NAV2: variants seen among roughly 807,000 people sequenced by gnomAD.
NAV2 encodes the protein neuron navigator 2.
Under a neutral mutation model 223.2 loss-of-function variants are expected in NAV2, and 54 were observed. The observed-to-expected ratio is 0.24, with a 90% confidence interval of 0.19 to 0.30. NAV2 has a LOEUF of 0.30. Among genes scored for constraint, NAV2 ranks in the 10% least tolerant of loss-of-function variants. The probability of loss-of-function intolerance (pLI) is 1.00; values close to 1 mark genes in which losing one functional copy is unlikely to be tolerated. For missense variants in NAV2, 2,806 were observed against 3,147.5 expected, an observed-to-expected ratio of 0.89 and a Z score of 2.60; for synonymous variants, 1,279 against 1,239.3, an observed-to-expected ratio of 1.03 and a Z score of -0.67.
intron 1 of NAV2, among the ~76,000 whole-genome samples, chr11:19,465,764 A>T (rs1765212114): frequency 6.6e-6 from 1 of 152,268 alleles, no homozygotes; most frequent in Admixed American, 6.5e-5. Context: ...CATTTTTAAT[A>T]TCCTTTTTAC....
At chr11:19,485,567 A>G (rs2042415575) in intron 1 of NAV2, among the ~76,000 whole-genome samples, 1 of 152,196 alleles carries the variant, frequency 6.6e-6, no homozygotes, top group Admixed American at 6.5e-5. Flanking sequence ...AGTCTCCAGA[A>G]ATCAACTGTG....
chr11:19,714,587 G>T (rs1234455454), intron 1 of NAV2: 1 of 403,726 alleles, frequency 2.5e-6, no homozygotes, highest in South Asian at 1.8e-5. Flanking sequence ...GACTCCTAGC[G>T]CCTTGGCTGG....
intron 6 of NAV2, among the ~76,000 whole-genome samples, chr11:19,914,279 G>T (rs1324370434): frequency 1.3e-5 from 2 of 152,086 alleles, no homozygotes; most frequent in African/African-American, 4.8e-5. Context: ...ATTTTGTTTT[G>T]TTGGGAGAAA....
At chr11:19,770,505 AG>A (rs1189145344) in intron 1 of NAV2, among the ~76,000 whole-genome samples, 2 of 151,744 alleles carry the variant, frequency 1.3e-5, no homozygotes, top group Non-Finnish European at 2.9e-5. Context: ...GTGGGTGGGG[AG>A]GGGGCTGGAG....
intron 4 of NAV2, 102 bp from the exon 5 acceptor site, chr11:19,879,767 T>C: frequency 2.2e-6 from 3 of 1,340,276 alleles, no homozygotes; most frequent in Non-Finnish European, 3.1e-6. Context: ...TCAGGAAGCC[T>C]GTCATATCCT....
intron 4 of NAV2, among the ~76,000 whole-genome samples, chr11:19,871,592 G>C (rs1187030153): frequency 6.6e-6 from 1 of 152,080 alleles, no homozygotes; most frequent in African/African-American, 2.4e-5. Flanking sequence ...TGTGAGACTT[G>C]GCCAGATCTT....
intron 1 of NAV2, among the ~76,000 whole-genome samples, chr11:19,753,375 A>C (rs1265102172): frequency 6.6e-6 from 1 of 151,938 alleles, no homozygotes; most frequent in African/African-American, 2.4e-5. Context: ...CCCCCACCCA[A>C]GCATACATTT....
intron 1 of NAV2, among the ~76,000 whole-genome samples, chr11:19,524,460 G>A (rs2043780281): frequency 6.6e-6 from 1 of 152,196 alleles, no homozygotes; most frequent in Admixed American, 6.5e-5. Flanking sequence ...TAACAGCAGA[G>A]CCTAATGACA....
chr11:19,364,007 T>C (rs1854114924), intron 1 of NAV2, among the ~76,000 whole-genome samples: 1 of 152,128 alleles, frequency 6.6e-6, no homozygotes, highest in African/African-American at 2.4e-5. Flanking sequence ...TATGGATTTT[T>C]ATGGAAGTTT....
At position 20,083,068 on chromosome 11, in the gene NAV2, A is replaced by G; in HGVS notation, c.5387A>G (p.His1796Arg). The G allele has an allele frequency of 6.2e-7, 1 of 1,613,984 alleles. No individual in the cohort carries two copies. Among genetic ancestry groups the G allele is most frequent in the Non-Finnish European group, 8.5e-7 (1 of 1,179,848 alleles). The stretch of plus-strand genomic sequence containing the variant: ...AAGTCCCCAAAATCTGCGTCCTCTC[A>G]TTCAGATATTGAGGAGATGACGGAT... ...KKKSPKSASS[H>R]SDIEEMTDSS... The change falls in exon 26 of 38, where the codon CAT becomes CGT. Residue 1796 changes from histidine to arginine, a missense_variant. His to Arg is a conservative substitution (Grantham distance 29). Transcript: ENST00000349880.
At chr11:19,717,740 C>T (rs1347409543) in intron 1 of NAV2, among the ~76,000 whole-genome samples, 1 of 152,136 alleles carries the variant, frequency 6.6e-6, no homozygotes, top group Non-Finnish European at 1.5e-5. Context: ...CCGTTAAGGA[C>T]CTGATTCAGA....
intron 1 of NAV2, among the ~76,000 whole-genome samples, chr11:19,595,582 T>A (rs1268288985): frequency 6.6e-6 from 1 of 152,070 alleles, no homozygotes; most frequent in Non-Finnish European, 1.5e-5. Context: ...TGAGACAGGA[T>A]CTCACTCTGT....
intron 11 of NAV2, among the ~76,000 whole-genome samples, chr11:20,035,098 C>A (rs895883449): frequency 1.7e-4 from 26 of 152,062 alleles, no homozygotes; most frequent in Non-Finnish European, 3.2e-4. Context: ...CTGACTGCTG[C>A]GGGCGGATGG....
At chr11:19,841,017 G>A (rs2060483354) in intron 2 of NAV2, among the ~76,000 whole-genome samples, 2 of 152,138 alleles carry the variant, frequency 1.3e-5, no homozygotes. Flanking sequence ...TCCATTCAGT[G>A]GGCATCTTGT....
chr11:19,943,269 A>G (rs1000070541), intron 8 of NAV2, among the ~76,000 whole-genome samples: 2 of 152,220 alleles, frequency 1.3e-5, no homozygotes, highest in Admixed American at 1.3e-4. Flanking sequence ...AGGTAGATGC[A>G]GTTACATTCC....
chr11:20,046,377 A>G (rs1425995357), intron 14 of NAV2, among the ~76,000 whole-genome samples: 1 of 152,068 alleles, frequency 6.6e-6, no homozygotes, highest in African/African-American at 2.4e-5. Flanking sequence ...CCAATCCAGA[A>G]TGAGGTCTTG....
chr11:19,641,827 C>A (rs1053579769), intron 1 of NAV2, among the ~76,000 whole-genome samples: 3 of 152,108 alleles, frequency 2.0e-5, no homozygotes, highest in Admixed American at 2.0e-4. Context: ...TACCCACTCT[C>A]TTTCACAGCC....
chr11:19,920,637 T>C (rs1160380826), intron 6 of NAV2, among the ~76,000 whole-genome samples: 1 of 152,172 alleles, frequency 6.6e-6, no homozygotes, highest in Non-Finnish European at 1.5e-5. Context: ...AGAGGTGGCA[T>C]TCAAAAAGTA....
At chr11:19,616,126 C>CT (rs34303647) in intron 1 of NAV2, among the ~76,000 whole-genome samples, 2 of 151,518 alleles carry the variant, frequency 1.3e-5, no homozygotes, top group African/African-American at 2.4e-5. Flanking sequence ...TTTTTCTTTC[C>CT]TTTTTTCCAA....
Sources: gnomAD v4.1 joint callset for allele counts (sites outside exome capture counted in the v4.1 genomes callset) on GRCh38, gnomAD v4.1.1 for gene constraint, MANE v1.5 for transcripts, NCBI Gene and HGNC (gene_info 2026-07-23, HGNC 2026-07-21) for gene names.